The following AEBP2 variants were observed in gnomAD, a reference collection of about 807,000 sequenced individuals.
AEBP2 encodes the protein zinc finger protein AEBP2.
Under a neutral mutation model 50.8 loss-of-function variants are expected in AEBP2, and 10 were observed. The observed-to-expected ratio is 0.20, with a 90% CI of 0.12 to 0.33. The LOEUF (loss-of-function observed/expected upper bound fraction) is 0.33, where lower values mean the gene tolerates loss of function less well. Among genes scored for constraint, AEBP2 ranks in the 10% least tolerant of loss-of-function variants. The pLI is 1.00. For synonymous variants in AEBP2, 296 were observed against 261.3 expected (o/e 1.13, Z -1.28); for missense variants, 570 against 688.0 (o/e 0.83, Z 1.92).
chr12:19,415,350 A>AAAT (rs1565694772), intron 1 of AEBP2, among the ~76,000 whole-genome samples: 4 of 28,508 alleles, frequency 1.4e-4, no homozygotes, highest in East Asian at 8.8e-4. Context: ...AAAAAAAAAA[A>AAAT]ATATATATAT....
intron 1 of AEBP2, among the ~76,000 whole-genome samples, chr12:19,460,483 A>T (rs1270700961): frequency 1.3e-5 from 2 of 151,996 alleles, no homozygotes; most frequent in Non-Finnish European, 2.9e-5. Context: ...CCTCCCGAGT[A>T]GCTGGGATTA....
chr12:19,514,578 A>G (rs1457964409), intron 6 of AEBP2, 93 bp from the exon 7 acceptor site: 69 of 975,300 alleles, frequency 7.1e-5, no homozygotes, highest in Non-Finnish European at 9.5e-5. Context: ...TGGACTGATC[A>G]AAGTAGCAGA....
chr12:19,518,151 G>A lies in AEBP2; in HGVS notation c.*34G>A. 6.3e-7 allele frequency: 1 copy of A among 1,579,704 alleles called. No homozygotes were observed. The highest frequency in any genetic ancestry group is 1.2e-5 in the South Asian group (1 of 85,408). ...TAAATACATAAAAAGCAAACAAGCG[G>A]GGACACCTGCAGTCTTAGTCACTGA... On this transcript the variant is annotated 3_prime_UTR_variant, in exon 8 of 8. Coordinates refer to ENST00000266508, the MANE Select transcript of AEBP2 (RefSeq NM_153207.5).
chr12:19,516,791 C>T (rs947993300), intron 7 of AEBP2, among the ~76,000 whole-genome samples: 3 of 152,048 alleles, frequency 2.0e-5, no homozygotes, highest in Non-Finnish European at 2.9e-5. Flanking sequence ...CTTTGGGAGG[C>T]CGAGGTGGGT....
At chr12:19,415,205 T>G (rs996101157) in intron 1 of AEBP2, among the ~76,000 whole-genome samples, 1 of 148,186 alleles carries the variant, frequency 6.7e-6, no homozygotes, top group Admixed American at 6.8e-5. Context: ...TCCTAGCTAC[T>G]TGGGGGGCTG....
chr12:19,458,068 G>T (rs1228243872), intron 1 of AEBP2, among the ~76,000 whole-genome samples: 2 of 152,196 alleles, frequency 1.3e-5, no homozygotes, highest in Non-Finnish European at 2.9e-5. Context: ...TATGGTCCTA[G>T]AAATACTATA....
Position 19,421,344 on chromosome 12 carries a change from CAAAAAAAAAA to C in AEBP2, c.-17+17141_-17+17150del, listed in dbSNP as rs375160231. 7.3e-5 allele frequency among the ~76,000 whole-genome samples: 6 copies of C among 82,456 alleles called. No individual in the cohort carries two copies. The South Asian group carries it at 1.6e-3, about 21-fold the overall frequency. The allele number at this position is 82,456 out of a possible 152,430, so 54.1% of individuals were successfully genotyped here. Reference sequence around the variant, plus strand: ...TGGGTGACAGAGCGAGACTCTGTCTCAAAAAAAAAAAAAAAAAAAAAAGAAACAAACAAAA... The same window carrying C: ...TGGGTGACAGAGCGAGACTCTGTCTCAAAAAAAAAAAAGAAACAAACAAAA... On this transcript the variant is annotated intron_variant, in intron 1 of 3. Transcript: ENST00000538425.
chr12:19,518,772 T>G lies in AEBP2; in HGVS notation c.*655T>G, dbSNP rs1949357227. 1 of 1,454,634 alleles carries G rather than the reference T, an allele frequency of 6.9e-7. No homozygotes were observed. The highest frequency in any genetic ancestry group is 9.3e-7 in the Non-Finnish European group (1 of 1,075,040). 90.1% of individuals were successfully genotyped at this position (1,454,634 alleles called of 1,614,324 possible). A position where few individuals can be genotyped will look rare whatever the true frequency, so the allele number is the denominator to read the frequency against. On this transcript the variant is annotated 3_prime_UTR_variant, in exon 8 of 8. Transcript: ENST00000266508. Reference sequence around the variant, plus strand: ...CGTCTATCGAATTAGGGCTGAAAATTACTGTTAAAGAGTGTTGCAGTATGT... The same window carrying G: ...CGTCTATCGAATTAGGGCTGAAAATGACTGTTAAAGAGTGTTGCAGTATGT...
chr12:19,501,438 C>A (rs1054149552), intron 5 of AEBP2, among the ~76,000 whole-genome samples: 1 of 151,830 alleles, frequency 6.6e-6, no homozygotes, highest in African/African-American at 2.4e-5. Flanking sequence ...AATTCAATAC[C>A]AGCCTGGATA....
In AEBP2 at chr12:19,462,646, G is replaced by C; in HGVS notation, c.808G>C (p.Ala270Pro). The C allele has an allele frequency of 6.2e-7, 1 of 1,613,962 alleles. No individual in the cohort carries two copies. The highest frequency in any genetic ancestry group is 8.5e-7 in the Non-Finnish European group (1 of 1,179,884). ...AYNCCWDQCQACFNSSPDLAD... is the reference protein window; with the variant it reads ...AYNCCWDQCQPCFNSSPDLAD... The stretch of plus-strand genomic sequence containing the variant: ...TAATTGTTGTTGGGACCAGTGCCAG[G>C]CTTGCTTCAACTCTAGCCCAGATCT... The change falls in exon 2 of 8, where the codon GCT becomes CCT. Residue 270 changes from alanine (A) to proline (P), a missense_variant. By Grantham distance (27) the Ala-to-Pro change is conservative (BLOSUM62 -1). Coordinates refer to ENST00000266508, the MANE Select transcript of AEBP2 (RefSeq NM_153207.5).
chr12:19,414,995 C>T (rs1459455430), intron 1 of AEBP2, among the ~76,000 whole-genome samples: 1 of 150,782 alleles, frequency 6.6e-6, no homozygotes, highest in Non-Finnish European at 1.5e-5. Flanking sequence ...TTGCATGTTT[C>T]ATTATACTTG....
intron 1 of AEBP2, among the ~76,000 whole-genome samples, chr12:19,458,827 C>T (rs1033185919): frequency 6.6e-6 from 1 of 152,140 alleles, no homozygotes; most frequent in African/African-American, 2.4e-5. Flanking sequence ...AGGGTATATA[C>T]AGTGAAAGAT....
intron 2 of AEBP2, among the ~76,000 whole-genome samples, chr12:19,470,599 C>T (rs10743324): frequency 0.46 from 69,226 of 152,030 alleles, 16,841 homozygotes; most frequent in Non-Finnish European, 0.57. Context: ...TTGCCTTAAT[C>T]GTGTTACTAG....
Position 19,518,489 on chromosome 12 carries a change from A to T in AEBP2, c.*372A>T. 7 of 1,248,896 alleles carry T rather than the reference A, an allele frequency of 5.6e-6. No individual in the cohort carries two copies. The highest frequency in any genetic ancestry group is 7.0e-6 in the Non-Finnish European group (7 of 993,958). The allele number at this position is 1,248,896 out of a possible 1,614,324, so 77.4% of individuals were successfully genotyped here. ...GTGATTTCAGTAGTTTATATTGGAA[A>T]GAAAAACAATTACAACATGTGCCCT... On this transcript the variant is annotated 3_prime_UTR_variant, in exon 8 of 8. Coordinates refer to ENST00000266508, the MANE Select transcript of AEBP2 (RefSeq NM_153207.5).
chr12:19,441,776 A>G (rs1273873147), intron 1 of AEBP2, among the ~76,000 whole-genome samples: 2 of 152,176 alleles, frequency 1.3e-5, no homozygotes, highest in African/African-American at 4.8e-5. Context: ...ATTGATGTAA[A>G]CTGCACAATG....
At position 19,519,659 on chromosome 12, in the gene AEBP2, T is replaced by G. The variant is rs1169819378; in HGVS notation, c.*1542T>G. ...AAAACCAGCAGTTTTTACACTAAAT[T>G]TTTTAAAGAAATATTAGACAAAAAT... On this transcript the variant is annotated 3_prime_UTR_variant, in exon 8 of 8. Transcript: ENST00000266508. The G allele has an allele frequency of 1.3e-5, 2 of 152,622 alleles. No homozygotes were observed. Among genetic ancestry groups the G allele is most frequent in the Non-Finnish European group, 2.9e-5 (2 of 67,998 alleles). The allele number at this position is 152,622 out of a possible 1,614,324, so 9.5% of individuals were successfully genotyped here.
At chr12:19,484,328 C>CT (rs1321690161) in intron 3 of AEBP2, among the ~76,000 whole-genome samples, 2 of 138,688 alleles carry the variant, frequency 1.4e-5, no homozygotes, top group African/African-American at 5.5e-5. Flanking sequence ...TGGTCTTGGA[C>CT]TTCTGGTGAT....
At chr12:19,456,149 TA>T in intron 1 of AEBP2, 2 of 827,370 alleles carry the variant, frequency 2.4e-6, no homozygotes, top group Non-Finnish European at 3.8e-6. Context: ...ACCAGTCTTT[TA>T]CTACTAAACT....
chr12:19,460,172 G>T (rs573477085), intron 1 of AEBP2, among the ~76,000 whole-genome samples: 1 of 152,106 alleles, frequency 6.6e-6, no homozygotes, highest in Non-Finnish European at 1.5e-5. Context: ...TAGCACCACC[G>T]CACTATAGGC....
Sources: gnomAD v4.1 joint callset for allele counts (sites outside exome capture counted in the v4.1 genomes callset) on GRCh38, gnomAD v4.1.1 for gene constraint, MANE v1.5 for transcripts, NCBI Gene and HGNC (gene_info 2026-07-23, HGNC 2026-07-21) for gene names.